NPAS3: variants seen among roughly 807,000 people sequenced by gnomAD.
NPAS3 encodes the protein neuronal PAS domain protein 3.
NPAS3 carries 14 observed loss-of-function variants against 73.1 expected under a neutral mutation model. The observed-to-expected ratio is 0.19, with a 90% CI of 0.13 to 0.30. The LOEUF is 0.30. Ranked by LOEUF, NPAS3 falls within the 10% of genes least tolerant of loss-of-function variation. The pLI is 1.00. For missense variants in NPAS3, 1,096 were observed against 1,250.0 expected, an observed-to-expected ratio of 0.88 and a Z score of 1.86; for synonymous variants, 620 against 541.5, an observed-to-expected ratio of 1.14 and a Z score of -2.01.
chr14:33,655,331 C>CTTT (rs3059406), intron 5 of NPAS3, among the ~76,000 whole-genome samples: 1,214 of 105,782 alleles, frequency 0.011, 18 homozygotes, highest in African/African-American at 0.026. Context: ...ACCTTTGGCT[C>CTTT]TTTTTTTTTT....
intron 5 of NPAS3, among the ~76,000 whole-genome samples, chr14:33,588,127 G>A (rs1387181343): frequency 6.6e-6 from 1 of 152,134 alleles, no homozygotes; most frequent in Non-Finnish European, 1.5e-5. Flanking sequence ...TATAAGGCAC[G>A]TTTTTCTAAT....
chr14:33,004,556 C>G (rs1239394684), intron 1 of NPAS3, among the ~76,000 whole-genome samples: 1 of 152,060 alleles, frequency 6.6e-6, no homozygotes, highest in Non-Finnish European at 1.5e-5. Context: ...ATGTGAAGGC[C>G]TAGGGCATTA....
chr14:32,996,014 T>A (rs1478291153), intron 1 of NPAS3, among the ~76,000 whole-genome samples: 1 of 152,196 alleles, frequency 6.6e-6, no homozygotes, highest in Non-Finnish European at 1.5e-5. Context: ...GTTAAATGGC[T>A]TTGATCAAAA....
At chr14:33,762,817 A>G (rs2062336644) in intron 7 of NPAS3, among the ~76,000 whole-genome samples, 3 of 152,236 alleles carry the variant, frequency 2.0e-5, no homozygotes, top group Admixed American at 6.5e-5. Flanking sequence ...CACAAAAGTC[A>G]TATGAGTGTT....
intron 4 of NPAS3, among the ~76,000 whole-genome samples, chr14:33,515,842 C>T (rs1192147490): frequency 6.6e-6 from 1 of 152,046 alleles, no homozygotes; most frequent in African/African-American, 2.4e-5. Flanking sequence ...CCTCTTTCTG[C>T]TTTTAAACAA....
chr14:33,064,597 G>C (rs2041218676), intron 2 of NPAS3, among the ~76,000 whole-genome samples: 1 of 152,148 alleles, frequency 6.6e-6, no homozygotes, highest in Non-Finnish European at 1.5e-5. Context: ...GCGGGGAGGG[G>C]GAGTAGTCGT....
intron 5 of NPAS3, among the ~76,000 whole-genome samples, chr14:33,643,739 T>C (rs1236391117): frequency 2.6e-5 from 4 of 152,048 alleles, no homozygotes; most frequent in Non-Finnish European, 5.9e-5. Flanking sequence ...GGCAGGAGAG[T>C]GTATGCTGGG....
chr14:33,036,782 GA>G (rs1002073783), intron 1 of NPAS3, among the ~76,000 whole-genome samples: 18 of 152,080 alleles, frequency 1.2e-4, no homozygotes, highest in Non-Finnish European at 2.4e-4. Flanking sequence ...GAAGGATGCT[GA>G]AAAAAATGAT....
At chr14:32,999,947 T>C (rs1223263243) in intron 1 of NPAS3, among the ~76,000 whole-genome samples, 4 of 152,150 alleles carry the variant, frequency 2.6e-5, no homozygotes, top group African/African-American at 9.7e-5. Context: ...TGTGATGAAG[T>C]GGACAGAAAG....
intron 4 of NPAS3, among the ~76,000 whole-genome samples, chr14:33,420,651 G>T (rs1295818916): frequency 6.6e-6 from 1 of 151,846 alleles, no homozygotes; most frequent in Admixed American, 6.6e-5. Context: ...TGGCATAACA[G>T]ATCTAAAAGG....
intron 3 of NPAS3, among the ~76,000 whole-genome samples, chr14:33,354,732 G>A (rs2045253086): frequency 6.6e-6 from 1 of 152,132 alleles, no homozygotes; most frequent in Non-Finnish European, 1.5e-5. Flanking sequence ...ATTATACTGT[G>A]TTATAACTCA....
chr14:33,023,756 A>G (rs751200369), intron 1 of NPAS3, among the ~76,000 whole-genome samples: 18 of 152,122 alleles, frequency 1.2e-4, no homozygotes, highest in Non-Finnish European at 2.5e-4. Flanking sequence ...GTGTTTTTTA[A>G]TATTGTATTA....
chr14:33,780,657 C>T, intron 9 of NPAS3: 1 of 454,964 alleles, frequency 2.2e-6, no homozygotes, highest in Non-Finnish European at 4.4e-6. Context: ...TCCTCAGGAA[C>T]AGTGAGCGAG....
intron 5 of NPAS3, among the ~76,000 whole-genome samples, chr14:33,648,672 G>A (rs917003806): frequency 1.4e-4 from 21 of 152,152 alleles, no homozygotes; most frequent in East Asian, 1.9e-4. Flanking sequence ...ATCCCAGTGC[G>A]TGTGTGAAGC....
At chr14:32,991,384 A>C (rs2038327831) in intron 1 of NPAS3, among the ~76,000 whole-genome samples, 1 of 152,106 alleles carries the variant, frequency 6.6e-6, no homozygotes, top group Non-Finnish European at 1.5e-5. Context: ...CCTTTGGTAA[A>C]ACGCAGCATT....
intron 2 of NPAS3, among the ~76,000 whole-genome samples, chr14:33,123,876 T>G (rs1360976742): frequency 6.7e-6 from 1 of 150,222 alleles, no homozygotes; most frequent in Admixed American, 6.6e-5. Flanking sequence ...TTTTTTTTTT[T>G]TTTGAGACAA....
chr14:33,436,421 A>G (rs1387876209), intron 4 of NPAS3, among the ~76,000 whole-genome samples: 1 of 152,180 alleles, frequency 6.6e-6, no homozygotes, highest in Non-Finnish European at 1.5e-5. Context: ...TATTTTGGAC[A>G]TATTAACTGC....
At chr14:33,533,202 C>T (rs1052715484) in intron 4 of NPAS3, among the ~76,000 whole-genome samples, 18 of 151,706 alleles carry the variant, frequency 1.2e-4, no homozygotes, top group African/African-American at 4.1e-4. Flanking sequence ...CAAAAGATAC[C>T]GTAAATAAAA....
rs144847622 is a variant in NPAS3, at chr14:33,685,974, GAAAC to G, written c.733+9595_733+9598del. 9.5e-3 allele frequency among the ~76,000 whole-genome samples: 1,451 copies of G among 152,260 alleles called. 20 individuals are homozygous for G. Among genetic ancestry groups the G allele is most frequent in the African/African-American group, 0.033 (1,381 of 41,528 alleles). ...AGGTAGATGTGACATCTTCCATTAG[GAAAC>G]AAACAGATTATTATCATAGACTATT... On this transcript the variant is annotated intron_variant, in intron 6 of 11. Coordinates refer to ENST00000356141, the Ensembl canonical transcript of NPAS3.
Sources: allele counts gnomAD v4.1 joint callset (sites outside exome capture counted in the v4.1 genomes callset), GRCh38; gene constraint gnomAD v4.1.1; transcripts MANE v1.5; gene names NCBI Gene and HGNC (gene_info 2026-07-23, HGNC 2026-07-21).